Variants in PTPN23 observed in about 807,000 individuals in gnomAD.
PTPN23 encodes the protein protein tyrosine phosphatase non-receptor type 23.
Under a neutral mutation model 156.3 loss-of-function variants are expected in PTPN23, and 72 were observed. The ratio of observed to expected loss-of-function variants is 0.46; its 90% CI spans 0.38 to 0.56. The LOEUF (loss-of-function observed/expected upper bound fraction) is 0.56. Among genes scored for constraint, PTPN23 ranks in the 20% least tolerant of loss-of-function variants. The pLI is 0.00. For synonymous variants in PTPN23, 957 were observed against 899.6 expected (o/e 1.06, Z -1.14); for missense variants, 1,974 against 2,171.5 (o/e 0.91, Z 1.81).
At position 47,412,849 on chromosome 3, in the gene PTPN23, G is replaced by A. The variant is rs2107729554; in HGVS notation, c.4575G>A (p.Glu1525=). Residue 1525 remains glutamate, a synonymous_variant, in exon 25 of 25, where the codon GAG becomes GAA. Transcript: ENST00000265562. ...SPVASLPGPA[E]PPGLPPASLP... ...TTGCCAGCTTGCCAGGCCCTGCAGA[G>A]CCCCCAGGCCTCCCGCCAGCCAGCC... The A allele has an allele frequency of 1.9e-6, 3 of 1,613,276 alleles. No individual in the cohort carries two copies. Among genetic ancestry groups the A allele is most frequent in the Non-Finnish European group, 2.5e-6 (3 of 1,179,852 alleles).
intron 2 of PTPN23, among the ~76,000 whole-genome samples, chr3:47,398,564 G>GT (rs869164190): frequency 8.1e-3 from 1,163 of 142,942 alleles, no homozygotes; most frequent in Middle Eastern, 0.011. Flanking sequence ...TAAACTTAAA[G>GT]TTTTTTTTTT....
intron 2 of PTPN23, among the ~76,000 whole-genome samples, chr3:47,399,721 A>G (rs1192304894): frequency 6.6e-6 from 1 of 152,250 alleles, no homozygotes; most frequent in Non-Finnish European, 1.5e-5. Flanking sequence ...CCAGTGCGAA[A>G]AAAGCTCACA....
In PTPN23 at chr3:47,413,075, A is replaced by G; in HGVS notation, c.4801A>G (p.Ser1601Gly). 1 of 1,612,936 alleles carries G rather than the reference A, an allele frequency of 6.2e-7. No individual in the cohort carries two copies. Residue 1601 changes from serine (S) to glycine (G), a missense_variant, in exon 25 of 25, where the codon AGC becomes GGC. Ser to Gly is a moderately conservative substitution (Grantham distance 56). Around this residue, in one of 4 missense-constraint regions of PTPN23, gnomAD observed 484 missense variants for 516.0 expected, o/e 0.94. Transcript: ENST00000265562. ...DSSLRGKQRM[S>G]KHNFLQAHNG... is the part of the protein sequence containing the mutation. ...CTCCCTGCGGGGCAAACAGCGGATG[A>G]GCAAGCATAACTTTCTGCAGGCCCA... is the stretch of plus-strand genomic sequence containing the variant.
In PTPN23 at chr3:47,405,638, T is replaced by A; in HGVS notation, c.365-111T>A. The A allele has an allele frequency of 8.7e-7, 1 of 1,152,072 alleles. No homozygotes were observed. Among genetic ancestry groups the A allele is most frequent in the Non-Finnish European group, 1.2e-6 (1 of 804,078 alleles). 71.4% of individuals were successfully genotyped at this position (1,152,072 alleles called of 1,614,324 possible). A position where few individuals can be genotyped will look rare whatever the true frequency, so the allele number is the denominator to read the frequency against. On this transcript the variant is annotated intron_variant, in intron 4 of 24. Coordinates refer to ENST00000265562, the MANE Select transcript of PTPN23 (RefSeq NM_015466.4). The surrounding 1 kb of genome is among the most constrained non-coding windows in gnomAD (Gnocchi z 4.7). ...GGTGTCCTTGGACTCGTTGCCCTGG[T>A]TCTCAGAGCCATGTTGTCCTGATTG...
chr3:47,405,372 C>A lies in PTPN23; in HGVS notation c.364+291C>A, dbSNP rs1406828629. ...TCTTCTTTGACTGGACAGCCCCTCCCCACTGTGGTTTTGGGCTGCTTCAGG... is the reference window on the plus strand; with the variant it reads ...TCTTCTTTGACTGGACAGCCCCTCCACACTGTGGTTTTGGGCTGCTTCAGG... On this transcript the variant is annotated intron_variant, in intron 4 of 24. Transcript: ENST00000265562. The surrounding 1 kb of genome is among the most constrained non-coding windows in gnomAD (Gnocchi z 4.7). 1.8e-6 allele frequency: 1 copy of A among 541,726 alleles called. No individual in the cohort carries two copies. Among genetic ancestry groups the A allele is most frequent in the Non-Finnish European group, 3.3e-6 (1 of 301,470 alleles). 33.6% of individuals were successfully genotyped at this position (541,726 alleles called of 1,614,324 possible). A position where few individuals can be genotyped will look rare whatever the true frequency, so the allele number is the denominator to read the frequency against.
In PTPN23 at chr3:47,411,605, A is replaced by T. The variant is rs757142535; in HGVS notation, c.3807A>T (p.Thr1269=). The change falls in exon 20 of 25, where the codon ACA becomes ACT. Residue 1269 remains threonine, a synonymous_variant. Coordinates refer to ENST00000265562, the MANE Select transcript of PTPN23 (RefSeq NM_015466.4). The surrounding 1 kb of genome is among the most constrained non-coding windows in gnomAD (Gnocchi z 6.3). The part of the protein sequence containing the change: ...LVATQAPLPG[T]AADFWLMVHE... ...CAACCCAGGCCCCACTGCCTGGCAC[A>T]GCTGCTGACTTCTGGCTCATGGTCC... is the stretch of plus-strand genomic sequence containing the variant. The T allele has an allele frequency of 6.2e-7, 1 of 1,612,274 alleles. No individual in the cohort carries two copies.
chr3:47,384,727 A>G (rs1704619135), intron 1 of PTPN23, among the ~76,000 whole-genome samples: 1 of 152,014 alleles, frequency 6.6e-6, no homozygotes, highest in Admixed American at 6.6e-5. Flanking sequence ...TTTGAACTGC[A>G]GTGGCAAACT....
In PTPN23 at chr3:47,409,518, CAACGTGCAGTACGCA is replaced by C; in HGVS notation, c.1900_1914del (p.Asn634_Ala638del). The C allele has an allele frequency of 6.2e-7, 1 of 1,614,102 alleles. No homozygotes were observed. The highest frequency in any genetic ancestry group is 8.5e-7 in the Non-Finnish European group (1 of 1,179,988). ...GTGTCCTCTGTGCACTGACAGAGGC[CAACGTGCAGTACGCA>C]GCCGTGCGGCGGGTACTCAGCGACT... On this transcript the variant is annotated inframe_deletion, in exon 18 of 25. Coordinates refer to ENST00000265562, the MANE Select transcript of PTPN23 (RefSeq NM_015466.4).
chr3:47,396,681 A>G (rs1704885905), intron 2 of PTPN23, among the ~76,000 whole-genome samples: 1 of 152,194 alleles, frequency 6.6e-6, no homozygotes, highest in Non-Finnish European at 1.5e-5. Flanking sequence ...TTGGGAGGCC[A>G]AGGCAGGAGG....
intron 2 of PTPN23, among the ~76,000 whole-genome samples, chr3:47,400,491 G>A (rs1176052285): frequency 2.0e-5 from 3 of 152,256 alleles, no homozygotes; most frequent in Non-Finnish European, 4.4e-5. Flanking sequence ...AAAGGGTACA[G>A]GTGATCTCTT....
chr3:47,387,697 T>C (rs1704684515), intron 1 of PTPN23, among the ~76,000 whole-genome samples: 1 of 152,150 alleles, frequency 6.6e-6, no homozygotes, highest in South Asian at 2.1e-4. Flanking sequence ...CTAACACATG[T>C]GATGCCTTTT....
intron 15 of PTPN23, 141 bp downstream of exon 15, chr3:47,408,631 C>A: frequency 7.1e-7 from 1 of 1,412,306 alleles, no homozygotes; most frequent in Non-Finnish European, 9.6e-7. Context: ...TCCTCTGAAT[C>A]AGCATACCTC....
At chr3:47,382,540 C>G (rs889171406) in intron 1 of PTPN23, among the ~76,000 whole-genome samples, 1 of 151,798 alleles carries the variant, frequency 6.6e-6, no homozygotes, top group Non-Finnish European at 1.5e-5. Context: ...AGACTGGTCT[C>G]GAACTCCTGA....
intron 1 of PTPN23, among the ~76,000 whole-genome samples, chr3:47,382,059 T>A (rs1467971566): frequency 6.6e-6 from 1 of 151,976 alleles, no homozygotes; most frequent in Non-Finnish European, 1.5e-5. Context: ...GATGCCAGAG[T>A]AAGCCCCAAT....
rs200010171 is a variant in PTPN23, at chr3:47,411,937, T to C, written c.4043T>C (p.Val1348Ala). ...FRDQSLKRSL[V>A]HLHFPTWPEL... ...GACCAGAGCCTCAAGCGCTCTCTTGTGCACCTGCACTTCCCCACTTGGCCT... is the reference window on the plus strand; with the variant it reads ...GACCAGAGCCTCAAGCGCTCTCTTGCGCACCTGCACTTCCCCACTTGGCCT... The change falls in exon 21 of 25, where the codon GTG becomes GCG. Residue 1348 changes from valine to alanine, a missense_variant. Physicochemically the swap from Val to Ala is moderately conservative, Grantham distance 64. Around this residue, in one of 4 missense-constraint regions of PTPN23, gnomAD observed 484 missense variants for 516.0 expected, o/e 0.94. Coordinates refer to ENST00000265562, the MANE Select transcript of PTPN23 (RefSeq NM_015466.4). This position sits in a 1 kb window ranked among gnomAD's most constrained non-coding sequence, Gnocchi z 6.3. 18 of 1,612,794 alleles carry C rather than the reference T, an allele frequency of 1.1e-5. No homozygotes were observed. In the Admixed American group the frequency reaches 2.7e-4, roughly 24 times the overall value.
chr3:47,395,361 TTGCTAG>T (rs1350950215), intron 1 of PTPN23, among the ~76,000 whole-genome samples: 11 of 152,196 alleles, frequency 7.2e-5, no homozygotes, highest in Admixed American at 3.3e-4. Flanking sequence ...GCCTCCCAGA[TTGCTAG>T]CCAAGACACC....
At chr3:47,397,986 C>T (rs532968608) in intron 2 of PTPN23, among the ~76,000 whole-genome samples, 1 of 152,054 alleles carries the variant, frequency 6.6e-6, no homozygotes, top group South Asian at 2.1e-4. Flanking sequence ...AAGATATTTT[C>T]TATGTCAGTT....
At position 47,412,916 on chromosome 3, in the gene PTPN23, C is replaced by A. The variant is rs1298503490; in HGVS notation, c.4642C>A (p.Leu1548Ile). 6 of 1,603,360 alleles carry A rather than the reference C, an allele frequency of 3.7e-6. No homozygotes were observed. Among genetic ancestry groups the A allele is most frequent in the Non-Finnish European group, 5.1e-6 (6 of 1,173,530 alleles). Residue 1548 changes from leucine (L) to isoleucine (I), a missense_variant, in exon 25 of 25, where the codon CTT becomes ATT. This residue lies in a region of PTPN23 where 484 missense variants were observed against 516.0 expected (regional missense o/e 0.94). Transcript: ENST00000265562. ...AATCCCATCTTCCTCCCCGCCCCCC[C>A]TTTCCTCCCCACTACCTGAGGCTCC... is the stretch of plus-strand genomic sequence containing the variant. The part of the protein sequence containing the change: ...TPIPSSSPPP[L>I]SSPLPEAPQP...
intron 3 of PTPN23, 64 bp downstream of exon 3, chr3:47,404,843 C>T: frequency 6.3e-7 from 1 of 1,587,026 alleles, no homozygotes; most frequent in Non-Finnish European, 8.6e-7. Flanking sequence ...GTGCTCCTCC[C>T]CTCCCTTCCC....
Sources: gnomAD v4.1 joint callset for allele counts (sites outside exome capture counted in the v4.1 genomes callset) on GRCh38, gnomAD v4.1.1 for gene constraint, gnomAD v4.1.1 regional missense constraint, Gnocchi (gnomAD v3.1) non-coding constraint, MANE v1.5 for transcripts, NCBI Gene and HGNC (gene_info 2026-07-23, HGNC 2026-07-21) for gene names.